The following RHOBTB2 variants were observed in gnomAD, a reference collection of about 807,000 sequenced individuals.
The protein encoded by RHOBTB2 is Rho related BTB domain containing 2.
RHOBTB2 carries 39 observed loss-of-function variants against 66.5 expected under a neutral mutation model. The observed-to-expected ratio is 0.59, with a 90% CI of 0.45 to 0.77. The LOEUF is 0.77. Among genes scored for constraint, RHOBTB2 ranks in the 30% least tolerant of loss-of-function variants. The pLI is 0.00. For synonymous variants in RHOBTB2, 390 were observed against 395.0 expected (o/e 0.99, Z 0.15); for missense variants, 755 against 999.1 (o/e 0.76, Z 3.29).
At position 23,018,251 on chromosome 8, in the gene RHOBTB2, G is replaced by A. The variant is rs910559025; in HGVS notation, c.*782G>A. 1.3e-5 allele frequency: 2 copies of A among 152,592 alleles called. No homozygotes were observed. Among genetic ancestry groups the A allele is most frequent in the Non-Finnish European group, 2.9e-5 (2 of 68,096 alleles). 9.5% of individuals were successfully genotyped at this position (152,592 alleles called of 1,614,324 possible). On this transcript the variant is annotated 3_prime_UTR_variant, in exon 10 of 10. Coordinates refer to ENST00000251822, the MANE Select transcript of RHOBTB2 (RefSeq NM_015178.3). Reference sequence around the variant, plus strand: ...GAAGCAGCTGGGACAGGTGGAGAAGGAAGTAGGAATGAGTGCACGGCGACC... The same window carrying A: ...GAAGCAGCTGGGACAGGTGGAGAAGAAAGTAGGAATGAGTGCACGGCGACC...
At chr8:22,956,508 C>G in the RHOBTB2 span, among the ~76,000 whole-genome samples, 1 of 152,148 alleles carries the variant, frequency 6.6e-6, no homozygotes, top group Non-Finnish European at 1.5e-5. Context: ...TGCTCACTCC[C>G]CCTTTGCCTT....
In RHOBTB2 at chr8:23,010,703, C is replaced by T; in HGVS notation, c.1771+15C>T. On this transcript the variant is annotated intron_variant, in intron 7 of 9. Coordinates refer to ENST00000251822, the MANE Select transcript of RHOBTB2 (RefSeq NM_015178.3). ...TGCCCTCACAGGTAACTAAGCAGTG[C>T]ACTCGGGGACCTCCCCGCGGCAGAG... is the stretch of plus-strand genomic sequence containing the variant. 1 of 1,613,210 alleles carries T rather than the reference C, an allele frequency of 6.2e-7. No individual in the cohort carries two copies.
At chr8:22,979,535 T>C in the RHOBTB2 span, among the ~76,000 whole-genome samples, 1 of 152,100 alleles carries the variant, frequency 6.6e-6, no homozygotes, top group Non-Finnish European at 1.5e-5. Context: ...CATTATTTAT[T>C]GAAGACATCC....
chr8:22,989,461 T>C (rs767610727), intron 1 of RHOBTB2, among the ~76,000 whole-genome samples: 8 of 152,210 alleles, frequency 5.3e-5, no homozygotes, highest in Non-Finnish European at 1.2e-4. Flanking sequence ...TCAACATTCT[T>C]AACTCCCTAC....
chr8:23,014,844 G>C lies in RHOBTB2; in HGVS notation c.1860+66G>C, dbSNP rs955751344. The stretch of plus-strand genomic sequence containing the variant: ...TACACTCTGCCTGCCCATTGGCTGC[G>C]AATGGGAAGGGGTGGAAGATGGTCT... On this transcript the variant is annotated intron_variant, in intron 8 of 9. Transcript: ENST00000251822. 7.1e-5 allele frequency: 92 copies of C among 1,296,684 alleles called. 1 individual carries two copies. In the South Asian group the frequency reaches 1.1e-3, roughly 15 times the overall value. The allele number at this position is 1,296,684 out of a possible 1,614,324, so 80.3% of individuals were successfully genotyped here. A position where few individuals can be genotyped will look rare whatever the true frequency, so the allele number is the denominator to read the frequency against.
At chr8:23,008,719 T>C (rs1045322802) in intron 6 of RHOBTB2, among the ~76,000 whole-genome samples, 2 of 151,982 alleles carry the variant, frequency 1.3e-5, no homozygotes, top group African/African-American at 4.8e-5. Context: ...AGGGTTTCTG[T>C]GGGAGGGAAT....
rs1276926249 is a variant in RHOBTB2, at chr8:23,019,117, A to C, written c.*1648A>C. On this transcript the variant is annotated 3_prime_UTR_variant, in exon 10 of 10. Transcript: ENST00000251822. ...TGGGGCTGTGGGCTCAGAGCTCAGG[A>C]GTCGCCTTACCTGAGAGAGATGTTC... 5.9e-5 allele frequency: 9 copies of C among 152,384 alleles called. No homozygotes were observed. Among genetic ancestry groups the C allele is most frequent in the African/African-American group, 1.9e-4 (8 of 41,424 alleles). The allele number at this position is 152,384 out of a possible 1,614,324, so 9.4% of individuals were successfully genotyped here.
rs1563289970 is a variant in RHOBTB2, at chr8:23,004,355, G to A, written c.-10-70G>A. ...GGGCAGCCTGGCTGAGGAGAGCTGC[G>A]GGTGCTGGCCCTGGCCCACGGCGAG... On this transcript the variant is annotated intron_variant, in intron 1 of 9. Coordinates refer to ENST00000251822, the MANE Select transcript of RHOBTB2 (RefSeq NM_015178.3). The surrounding 1 kb of genome is among the most constrained non-coding windows in gnomAD (Gnocchi z 6.4). 10 of 1,329,432 alleles carry A rather than the reference G, an allele frequency of 7.5e-6. No individual in the cohort carries two copies. In the East Asian group the frequency reaches 1.4e-4, roughly 19 times the overall value. 82.4% of individuals were successfully genotyped at this position (1,329,432 alleles called of 1,614,324 possible).
chr8:22,956,782 C>T, the RHOBTB2 span, among the ~76,000 whole-genome samples: 1 of 152,158 alleles, frequency 6.6e-6, no homozygotes, highest in South Asian at 2.1e-4. Flanking sequence ...CCGCCTCAGC[C>T]TCACAAGTAG....
At chr8:22,999,411 A>G (rs958122312), upstream of RHOBTB2, among the ~76,000 whole-genome samples, 1 of 149,094 alleles carries the variant, frequency 6.7e-6, no homozygotes, top group Non-Finnish European at 1.5e-5. Flanking sequence ...TCGCTGCGGG[A>G]GGGGCGGAAG....
At position 23,019,871 on chromosome 8, in the gene RHOBTB2, A is replaced by C. The variant is rs557691024; in HGVS notation, c.*2402A>C. Reference sequence around the variant, plus strand: ...TGGGAGGCTGTGGGTGAGCCAGGCCAACATTGGTGTCCCTGTCCCCAGAGG... The same window carrying C: ...TGGGAGGCTGTGGGTGAGCCAGGCCCACATTGGTGTCCCTGTCCCCAGAGG... On this transcript the variant is annotated 3_prime_UTR_variant, in exon 10 of 10. Transcript: ENST00000251822. 1.0e-5 allele frequency: 2 copies of C among 191,118 alleles called. No individual in the cohort carries two copies. Among genetic ancestry groups the C allele is most frequent in the Non-Finnish European group, 1.1e-5 (1 of 91,260 alleles). 11.8% of individuals were successfully genotyped at this position (191,118 alleles called of 1,614,324 possible).
chr8:22,971,289 AT>A, the RHOBTB2 span, among the ~76,000 whole-genome samples: 1 of 151,478 alleles, frequency 6.6e-6, no homozygotes, highest in Non-Finnish European at 1.5e-5. Flanking sequence ...GGCTCAAGCG[AT>A]TCTCCTACCT....
the RHOBTB2 span, among the ~76,000 whole-genome samples, chr8:22,961,896 T>C: frequency 6.6e-6 from 1 of 152,140 alleles, no homozygotes; most frequent in Admixed American, 6.5e-5. Context: ...CAATCATAGA[T>C]AAAAAGGCAT....
chr8:23,007,838 C>A, intron 5 of RHOBTB2, 92 bp downstream of exon 5: 1 of 1,528,864 alleles, frequency 6.5e-7, no homozygotes, highest in Non-Finnish European at 9.0e-7. Flanking sequence ...GGAGCTGCGG[C>A]TGCCATGCTC....
chr8:22,995,949 G>A, upstream of RHOBTB2: 4 of 1,461,248 alleles, frequency 2.7e-6, no homozygotes, highest in Non-Finnish European at 3.8e-6. Context: ...GCAGGTTGGA[G>A]GATGGACTGA....
chr8:22,981,914 T>G, the RHOBTB2 span, among the ~76,000 whole-genome samples: 1 of 151,018 alleles, frequency 6.6e-6, no homozygotes, highest in African/African-American at 2.4e-5. Context: ...TATCCGCCAC[T>G]TTACACTCAG....
the RHOBTB2 span, among the ~76,000 whole-genome samples, chr8:22,979,742 CTTTT>C: frequency 2.4e-5 from 2 of 84,094 alleles, no homozygotes; most frequent in Non-Finnish European, 2.4e-5. Flanking sequence ...TCTTTTCTTT[CTTTT>C]TTTTTTTTTT....
intron 1 of RHOBTB2, 85 bp downstream of exon 1, chr8:23,000,190 C>T: frequency 1.1e-6 from 1 of 919,642 alleles, no homozygotes; most frequent in African/African-American, 1.8e-5. Flanking sequence ...CCCTGCCGCG[C>T]CCCTCGCTAC....
chr8:22,971,591 G>A, the RHOBTB2 span, among the ~76,000 whole-genome samples: 9 of 152,190 alleles, frequency 5.9e-5, no homozygotes, highest in Non-Finnish European at 4.4e-5. Context: ...AACAAGGCCA[G>A]CTTGTTCACT....
Sources: allele counts gnomAD v4.1 joint callset (sites outside exome capture counted in the v4.1 genomes callset), GRCh38; gene constraint gnomAD v4.1.1; non-coding constraint Gnocchi (gnomAD v3.1); transcripts MANE v1.5; gene names NCBI Gene and HGNC (gene_info 2026-07-23, HGNC 2026-07-21).